The following SMAD3 variants were observed in gnomAD, a reference collection of about 807,000 sequenced individuals.
SMAD3 encodes the protein SMAD family member 3, also known as MAD homolog 3.
Under a neutral mutation model 51.8 loss-of-function variants are expected in SMAD3, and 12 were observed. That is an observed-to-expected ratio of 0.23 (90% CI 0.15 to 0.38). The LOEUF is 0.38. Among genes scored for constraint, SMAD3 ranks in the 10% least tolerant of loss-of-function variants. The probability of loss-of-function intolerance (pLI) is 1.00; values close to 1 mark genes in which losing one functional copy is unlikely to be tolerated. For synonymous variants in SMAD3, 238 were observed against 227.7 expected (o/e 1.05, Z -0.41); for missense variants, 294 against 565.6 (o/e 0.52, Z 4.87).
chr15:67,161,543 C>G (rs536548388), intron 1 of SMAD3, among the ~76,000 whole-genome samples: 2 of 152,158 alleles, frequency 1.3e-5, no homozygotes, highest in South Asian at 2.1e-4. Context: ...TGTCAAACAC[C>G]GAAGAGCAAA....
rs1373497387 is a variant in SMAD3 at position 67,084,060 on chromosome 15, CT to C, written c.206+17709del. Among the ~76,000 whole-genome samples the C allele has an allele frequency of 5.1e-3, 533 of 105,008 alleles. 1 individual carries two copies. Among genetic ancestry groups the C allele is most frequent in the African/African-American group, 0.018 (504 of 27,694 alleles). The allele number at this position is 105,008 out of a possible 152,430, so 68.9% of individuals were successfully genotyped here. A position where few individuals can be genotyped will look rare whatever the true frequency, so the allele number is the denominator to read the frequency against. ...ATCTGTGTATCCGTTCTCAGATTTT[CT>C]TTTTTTTTCTTTTTTTTTTTTTTTT... On this transcript the variant is annotated intron_variant, in intron 1 of 8. Coordinates refer to ENST00000327367, the MANE Select transcript of SMAD3 (RefSeq NM_005902.4).
intron 1 of SMAD3, among the ~76,000 whole-genome samples, chr15:67,149,412 C>A (rs72743461): frequency 0.18 from 27,181 of 152,014 alleles, 2,874 homozygotes; most frequent in Non-Finnish European, 0.24. Context: ...AGCGGGAGGA[C>A]GCCTCACCTG....
chr15:67,183,027 A>AT (rs1567000847), intron 6 of SMAD3, among the ~76,000 whole-genome samples: 11 of 63,852 alleles, frequency 1.7e-4, no homozygotes, highest in African/African-American at 4.5e-4. Flanking sequence ...ATATATATAT[A>AT]TATATTTTTT....
At position 67,181,309 on chromosome 15, in the gene SMAD3, C is replaced by A; in HGVS notation, c.727C>A (p.Arg243Ser). Residue 243 changes from arginine (R) to serine (S), a missense_variant, in exon 6 of 9, where the codon CGC becomes AGC. Transcript: ENST00000327367. The part of the protein sequence containing the change: ...CSISYYELNQ[R>S]VGETFHASQP... ...CATCTCCTACTACGAGCTGAACCAG[C>A]GCGTCGGGGAGACATTCCACGCCTC... 1 of 1,614,048 alleles carries A rather than the reference C, an allele frequency of 6.2e-7. No individual in the cohort carries two copies. The highest frequency in any genetic ancestry group is 8.5e-7 in the Non-Finnish European group (1 of 1,180,016).
chr15:67,125,106 G>A (rs950856167), intron 1 of SMAD3, among the ~76,000 whole-genome samples: 5 of 152,210 alleles, frequency 3.3e-5, no homozygotes, highest in African/African-American at 1.2e-4. Context: ...GGAAGCAGTT[G>A]TGTTGAATGG....
In SMAD3 at chr15:67,065,620, G is replaced by C. The variant is rs1262396154; in HGVS notation, c.-535G>C. ...TTTGCATGAAACACAGACTGGGAGC[G>C]GGCGGGAGCGGGAGCGCGGCGCACG... On this transcript the variant is annotated 5_prime_UTR_variant, in exon 1 of 9. Coordinates refer to ENST00000327367, the MANE Select transcript of SMAD3 (RefSeq NM_005902.4). 4.0e-5 allele frequency among the ~76,000 whole-genome samples: 6 copies of C among 151,098 alleles called. No homozygotes were observed. The highest frequency in any genetic ancestry group is 2.6e-4 in the Admixed American group (4 of 15,234).
chr15:67,076,925 G>A (rs77793693), intron 1 of SMAD3, among the ~76,000 whole-genome samples: 1,880 of 152,314 alleles, frequency 0.012, 49 homozygotes, highest in African/African-American at 0.043. Context: ...ATTGGCTAGA[G>A]CTTGGACTTG....
At chr15:67,156,241 C>A (rs1360524072) in intron 1 of SMAD3, among the ~76,000 whole-genome samples, 1 of 152,118 alleles carries the variant, frequency 6.6e-6, no homozygotes, top group East Asian at 1.9e-4. Context: ...TGTAAAGATA[C>A]AGAATAAATG....
Position 67,190,627 on chromosome 15 carries a change from T to C in SMAD3, c.*91T>C. The C allele has an allele frequency of 7.2e-7, 1 of 1,385,026 alleles. No homozygotes were observed. The highest frequency in any genetic ancestry group is 1.0e-6 in the Non-Finnish European group (1 of 983,510). The allele number at this position is 1,385,026 out of a possible 1,614,324, so 85.8% of individuals were successfully genotyped here. On this transcript the variant is annotated 3_prime_UTR_variant, in exon 9 of 9. Coordinates refer to ENST00000327367, the MANE Select transcript of SMAD3 (RefSeq NM_005902.4). ...TGGAACTCTACTCAACCCATTGTTG[T>C]CAAGGAAGAAGAAATCTTTCTCCCT...
At chr15:67,100,293 C>G (rs1968515) in intron 1 of SMAD3, among the ~76,000 whole-genome samples, 142,471 of 152,162 alleles carry the variant, frequency 0.94, 67,413 homozygotes, top group Non-Finnish European at 1. Context: ...TCACATGATT[C>G]CATTCCCATG....
At chr15:67,118,613 G>A (rs943904858) in intron 1 of SMAD3, among the ~76,000 whole-genome samples, 2 of 152,270 alleles carry the variant, frequency 1.3e-5, no homozygotes, top group South Asian at 4.2e-4. Flanking sequence ...TTCTCTAGGA[G>A]GTTTTCATCC....
chr15:67,132,462 G>C (rs1290873580), intron 1 of SMAD3, among the ~76,000 whole-genome samples: 1 of 152,180 alleles, frequency 6.6e-6, no homozygotes, highest in Non-Finnish European at 1.5e-5. Context: ...TGCGGGAATG[G>C]TGAGGACAGA....
intron 1 of SMAD3, among the ~76,000 whole-genome samples, chr15:67,069,537 A>G (rs1380770812): frequency 6.6e-6 from 1 of 152,196 alleles, no homozygotes; most frequent in African/African-American, 2.4e-5. Context: ...TACTTCCACC[A>G]GGGAATCCAT....
At chr15:67,136,150 GAACA>G (rs1174731032) in intron 1 of SMAD3, among the ~76,000 whole-genome samples, 6 of 152,186 alleles carry the variant, frequency 3.9e-5, no homozygotes, top group Non-Finnish European at 8.8e-5. Context: ...CAAGATCACA[GAACA>G]AACCTAACTG....
chr15:67,183,019 ATATATATATATATT>A lies in SMAD3; in HGVS notation c.871+1568_871+1581del, dbSNP rs1251926895. Reference sequence around the variant, plus strand: ...AAAAAAAATATATATATATATATATATATATATATATATTTTTTTTTTTTTTTTTTTTGGAGCGG... The same window carrying A: ...AAAAAAAATATATATATATATATATATTTTTTTTTTTTTTTTTTGGAGCGG... On this transcript the variant is annotated intron_variant, in intron 6 of 8. Transcript: ENST00000327367. Among the ~76,000 whole-genome samples, 5 of 73,592 alleles carry A rather than the reference ATATATATATATATT, an allele frequency of 6.8e-5. No individual in the cohort carries two copies. In the East Asian group the frequency reaches 1.4e-3, roughly 20 times the overall value. The allele number at this position is 73,592 out of a possible 152,430, so 48.3% of individuals were successfully genotyped here. A position where few individuals can be genotyped will look rare whatever the true frequency, so the allele number is the denominator to read the frequency against.
Position 67,190,849 on chromosome 15 carries a change from T to C in SMAD3, c.*313T>C, listed in dbSNP as rs949107841. 3 of 439,232 alleles carry C rather than the reference T, an allele frequency of 6.8e-6. No individual in the cohort carries two copies. The highest frequency in any genetic ancestry group is 1.3e-5 in the Non-Finnish European group (3 of 237,882). The allele number at this position is 439,232 out of a possible 1,614,324, so 27.2% of individuals were successfully genotyped here. A position where few individuals can be genotyped will look rare whatever the true frequency, so the allele number is the denominator to read the frequency against. On this transcript the variant is annotated 3_prime_UTR_variant, in exon 9 of 9. Transcript: ENST00000327367. ...ACCGGCCCCCTCCCCCCAGACTCTTTTTTTGAGTGACAGCTTTCTGGGATG... is the reference window on the plus strand; with the variant it reads ...ACCGGCCCCCTCCCCCCAGACTCTTCTTTTGAGTGACAGCTTTCTGGGATG...
chr15:67,084,843 G>A (rs1960355696), intron 1 of SMAD3, among the ~76,000 whole-genome samples: 1 of 152,156 alleles, frequency 6.6e-6, no homozygotes, highest in South Asian at 2.1e-4. Context: ...GAAGGGAAAC[G>A]TGTTCACAGG....
chr15:67,190,370 T>C (rs1171712394), intron 8 of SMAD3, 43 bp from the exon 9 acceptor site: 2 of 1,598,884 alleles, frequency 1.3e-6, no homozygotes, highest in Non-Finnish European at 1.7e-6. Flanking sequence ...CCCCTGGAGA[T>C]TTTTTAAGTC....
chr15:67,158,221 G>A (rs1040863248), intron 1 of SMAD3, among the ~76,000 whole-genome samples: 4 of 152,244 alleles, frequency 2.6e-5, no homozygotes, highest in Admixed American at 6.5e-5. Flanking sequence ...GCCTGGGAGA[G>A]TGTGTTCTGG....
Sources: gnomAD v4.1 joint callset for allele counts (sites outside exome capture counted in the v4.1 genomes callset) on GRCh38, gnomAD v4.1.1 for gene constraint, MANE v1.5 for transcripts, NCBI Gene and HGNC (gene_info 2026-07-23, HGNC 2026-07-21) for gene names.